The following TMEM108 variants were observed in gnomAD, a reference collection of about 807,000 sequenced individuals.
TMEM108 encodes transmembrane protein 108, also known as cancer/testis antigen 124.
In TMEM108, 12 loss-of-function variants were observed where a neutral mutation model predicts 35.1. That is an observed-to-expected ratio of 0.34 (90% confidence interval 0.22 to 0.55). The LOEUF (loss-of-function observed/expected upper bound fraction) is 0.55, where lower values mean the gene tolerates loss of function less well. Ranked by LOEUF, TMEM108 falls within the 20% of genes least tolerant of loss-of-function variation. The pLI, the probability that TMEM108 is intolerant of heterozygous loss-of-function variation, is 0.89. For missense variants in TMEM108, 680 were observed against 753.3 expected (o/e 0.90, Z 1.14); for synonymous variants, 287 against 308.6 (o/e 0.93, Z 0.73).
chr3:133,078,959 G>T (rs1321391849), intron 2 of TMEM108, among the ~76,000 whole-genome samples: 4 of 152,124 alleles, frequency 2.6e-5, no homozygotes, highest in Non-Finnish European at 5.9e-5. Flanking sequence ...AAACATGATT[G>T]CTGCCTTTCA....
intron 3 of TMEM108, among the ~76,000 whole-genome samples, chr3:133,296,663 C>T (rs1576439146): frequency 6.6e-6 from 1 of 152,204 alleles, no homozygotes; most frequent in East Asian, 1.9e-4. Context: ...ATCCCTAATC[C>T]AAAGCAACCC....
Position 133,040,794 on chromosome 3 carries a change from A to G in TMEM108, c.-166+2359A>G, listed in dbSNP as rs747267527. ...GGACAAGGTTTTATTCTCTGATTCA[A>G]TAAAAGCCCACTAGTGTTGCTTTCA... On this transcript the variant is annotated intron_variant, in intron 1 of 5. Transcript: ENST00000321871. Among the ~76,000 whole-genome samples the G allele has an allele frequency of 3.9e-5, 6 of 152,216 alleles. No individual in the cohort carries two copies. The East Asian group carries it at 9.6e-4, about 24-fold the overall frequency.
rs115871082 is a variant in TMEM108 at position 133,378,835 on chromosome 3, G to A, written c.41-917G>A. On this transcript the variant is annotated intron_variant, in intron 3 of 5. Coordinates refer to ENST00000321871, the MANE Select transcript of TMEM108 (RefSeq NM_023943.4). ...TTTTTTTTTTTTTAATGTTCAAAAG[G>A]GCTCCTTCTACTCAAAAAGGCTGGA... is the stretch of plus-strand genomic sequence containing the variant. 6.0e-3 allele frequency among the ~76,000 whole-genome samples: 890 copies of A among 148,524 alleles called. 7 individuals are homozygous for A. The highest frequency in any genetic ancestry group is 0.021 in the African/African-American group (841 of 40,090).
At chr3:133,289,373 G>C (rs1205786975) in intron 3 of TMEM108, among the ~76,000 whole-genome samples, 1 of 152,218 alleles carries the variant, frequency 6.6e-6, no homozygotes, top group African/African-American at 2.4e-5. Flanking sequence ...TCAAGGTTAT[G>C]AAACAGCACC....
chr3:133,231,296 A>G (rs1005124529), intron 3 of TMEM108, among the ~76,000 whole-genome samples: 45 of 152,316 alleles, frequency 3.0e-4, no homozygotes, highest in Non-Finnish European at 2.5e-4. Flanking sequence ...TCATTATTAC[A>G]TAACAAACTA....
chr3:133,298,932 A>T (rs1947182115), intron 3 of TMEM108, among the ~76,000 whole-genome samples: 1 of 152,154 alleles, frequency 6.6e-6, no homozygotes, highest in Non-Finnish European at 1.5e-5. Context: ...TTTGTTTAGG[A>T]TAGGTTTTCC....
chr3:133,141,876 A>G (rs903149336), intron 2 of TMEM108, among the ~76,000 whole-genome samples: 1 of 152,194 alleles, frequency 6.6e-6, no homozygotes, highest in Non-Finnish European at 1.5e-5. Context: ...AAATCATGTA[A>G]TTGGAATGAA....
At chr3:133,179,883 C>CA (rs35894338) in intron 2 of TMEM108, among the ~76,000 whole-genome samples, 9,004 of 144,142 alleles carry the variant, frequency 0.062, 312 homozygotes, top group South Asian at 0.084. Context: ...CAAGCCTTAT[C>CA]AAAAAAAAAA....
chr3:133,201,735 G>T (rs1346214122), intron 2 of TMEM108, among the ~76,000 whole-genome samples: 2 of 152,016 alleles, frequency 1.3e-5, no homozygotes, highest in East Asian at 1.9e-4. Context: ...AGTCTTTGCT[G>T]CTGTGAATAG....
At chr3:133,077,284 A>C (rs573243889) in intron 2 of TMEM108, among the ~76,000 whole-genome samples, 1 of 152,256 alleles carries the variant, frequency 6.6e-6, no homozygotes, top group Non-Finnish European at 1.5e-5. Flanking sequence ...AAAAGGGCCC[A>C]TTTAATTGTG....
chr3:133,093,933 C>T (rs975174034), intron 2 of TMEM108, among the ~76,000 whole-genome samples: 7 of 152,128 alleles, frequency 4.6e-5, no homozygotes, highest in African/African-American at 1.7e-4. Flanking sequence ...GAACCTGCCA[C>T]TTGCATTTAT....
intron 4 of TMEM108, chr3:133,386,762 A>G (rs1204580833): frequency 1.7e-6 from 2 of 1,160,902 alleles, no homozygotes; most frequent in Non-Finnish European, 2.2e-6. Flanking sequence ...TGCATATGTC[A>G]TCTCTATACC....
At chr3:133,205,738 AT>A (rs767001256) in intron 2 of TMEM108, among the ~76,000 whole-genome samples, 5 of 151,700 alleles carry the variant, frequency 3.3e-5, no homozygotes, top group Non-Finnish European at 1.5e-5. Context: ...ACATTTTTTC[AT>A]TCTTTTCAAC....
chr3:133,325,727 A>T (rs894170804), intron 3 of TMEM108, among the ~76,000 whole-genome samples: 12 of 149,544 alleles, frequency 8.0e-5, no homozygotes, highest in African/African-American at 2.2e-4. Flanking sequence ...AATATATATA[A>T]AAAATAATAA....
intron 1 of TMEM108, among the ~76,000 whole-genome samples, chr3:133,043,545 T>G (rs996401617): frequency 1.3e-5 from 2 of 152,198 alleles, no homozygotes; most frequent in African/African-American, 4.8e-5. Context: ...AAGTACTCTT[T>G]CCTAATTTTA....
intron 3 of TMEM108, among the ~76,000 whole-genome samples, chr3:133,263,128 T>A (rs1946648696): frequency 6.6e-6 from 1 of 152,212 alleles, no homozygotes; most frequent in Non-Finnish European, 1.5e-5. Flanking sequence ...ACCATATGTG[T>A]TGTAAGACTC....
rs200166546 is a variant in TMEM108, at chr3:133,064,709, CT to C, written c.-47+18703del. ...ATAAAGGTTGGTTAGAGAAATAAAC[CT>C]TTTTTTTTTTTTTAATGGACAGTTA... On this transcript the variant is annotated intron_variant, in intron 2 of 5. Coordinates refer to ENST00000321871, the MANE Select transcript of TMEM108 (RefSeq NM_023943.4). 5.9e-3 allele frequency among the ~76,000 whole-genome samples: 837 copies of C among 140,736 alleles called. 1 individual carries two copies. Among genetic ancestry groups the C allele is most frequent in the Middle Eastern group, 7.5e-3 (2 of 268 alleles). The allele number at this position is 140,736 out of a possible 152,430, so 92.3% of individuals were successfully genotyped here.
chr3:133,158,313 C>A (rs1479823211), intron 2 of TMEM108, among the ~76,000 whole-genome samples: 1 of 151,606 alleles, frequency 6.6e-6, no homozygotes, highest in Non-Finnish European at 1.5e-5. Flanking sequence ...ACTAAAAATA[C>A]AAAAATTAGC....
intron 2 of TMEM108, among the ~76,000 whole-genome samples, chr3:133,053,606 A>C (rs1375649760): frequency 6.6e-6 from 1 of 152,210 alleles, no homozygotes; most frequent in Non-Finnish European, 1.5e-5. Flanking sequence ...GGAAAACAGA[A>C]TTTCAGTCAT....
Sources: gnomAD v4.1 joint callset for allele counts (sites outside exome capture counted in the v4.1 genomes callset) on GRCh38, gnomAD v4.1.1 for gene constraint, MANE v1.5 for transcripts, NCBI Gene and HGNC (gene_info 2026-07-23, HGNC 2026-07-21) for gene names.